EVL: variants seen among roughly 807,000 people sequenced by gnomAD.
EVL encodes ena/VASP-like protein.
A neutral mutation model predicts 59.6 loss-of-function variants in EVL; 21 were observed. That is an observed-to-expected ratio of 0.35 (90% CI 0.25 to 0.51). The LOEUF (loss-of-function observed/expected upper bound fraction) is 0.51, where lower values mean the gene tolerates loss of function less well. EVL is among the 20% of genes least tolerant of loss of function. The probability of loss-of-function intolerance (pLI) is 0.97; values close to 1 mark genes in which losing one functional copy is unlikely to be tolerated. For missense variants in EVL, 462 were observed against 546.6 expected (o/e 0.85, Z 1.54); for synonymous variants, 198 against 203.5 (o/e 0.97, Z 0.23).
chr14:99,972,268 G>T lies in EVL; in HGVS notation c.5+211G>T, dbSNP rs555838718. 3.1e-3 allele frequency among the ~76,000 whole-genome samples: 473 copies of T among 152,160 alleles called. No homozygotes were observed. The highest frequency in any genetic ancestry group is 5.5e-3 in the Non-Finnish European group (373 of 67,974). On this transcript the variant is annotated intron_variant, in intron 1 of 13. Coordinates refer to the EVL transcript ENST00000402714. This position sits in a 1 kb window ranked among gnomAD's most constrained non-coding sequence, Gnocchi z 4.4. ...TGGGGGCGTCTGGAGAGCCGGGAGG[G>T]TCTGCAGGGCTTGTGGGGGGCAGTG...
At chr14:99,973,085 A>G (rs1360356687) in intron 1 of EVL, among the ~76,000 whole-genome samples, 2 of 152,218 alleles carry the variant, frequency 1.3e-5, no homozygotes, top group Non-Finnish European at 2.9e-5. Flanking sequence ...TTTGTTGGCT[A>G]TTAATAATGC....
intron 11 of EVL, chr14:100,140,296 A>C (rs989013735): frequency 6.6e-6 from 1 of 152,158 alleles, no homozygotes; most frequent in African/African-American, 2.4e-5. Flanking sequence ...TCAAAGAAGT[A>C]GTCCACGAGA....
intron 3 of EVL, among the ~76,000 whole-genome samples, chr14:100,119,634 G>A (rs1161482726): frequency 2.0e-5 from 3 of 152,252 alleles, no homozygotes; most frequent in African/African-American, 4.8e-5. Context: ...TCAACAGTGT[G>A]CTTTCAACAG....
intron 1 of EVL, among the ~76,000 whole-genome samples, chr14:100,013,794 T>C (rs1477044374): frequency 6.6e-6 from 1 of 152,244 alleles, no homozygotes; most frequent in Non-Finnish European, 1.5e-5. Context: ...GGTTGAAGCA[T>C]ACAATGGTCA....
intron 1 of EVL, among the ~76,000 whole-genome samples, chr14:100,044,179 T>C (rs2061512506): frequency 6.6e-6 from 1 of 152,172 alleles, no homozygotes; most frequent in African/African-American, 2.4e-5. Context: ...TATAATAGTA[T>C]TACAGTGTGC....
At chr14:99,986,816 T>C (rs2060843061) in intron 1 of EVL, among the ~76,000 whole-genome samples, 1 of 152,074 alleles carries the variant, frequency 6.6e-6, no homozygotes, top group East Asian at 1.9e-4. Context: ...TGGGGGAAAA[T>C]AGCCTTTTCA....
chr14:100,118,740 G>T (rs2140359103), intron 3 of EVL, among the ~76,000 whole-genome samples: 1 of 152,240 alleles, frequency 6.6e-6, no homozygotes, highest in Non-Finnish European at 1.5e-5. Flanking sequence ...TTTCAGGAGG[G>T]CTCATGGCTG....
In EVL at chr14:99,998,213, A is replaced by G. The variant is rs1329772007; in HGVS notation, c.5+26156A>G. ...TTTTTTATTATTTGTAGAACCATGG[A>G]CTTACTGTGTTGCCCAGTGTAGTCT... On this transcript the variant is annotated intron_variant, in intron 1 of 13. Transcript: ENST00000402714. 2.6e-5 allele frequency among the ~76,000 whole-genome samples: 4 copies of G among 151,946 alleles called. No individual in the cohort carries two copies. The East Asian group carries it at 7.7e-4, about 29-fold the overall frequency.
chr14:100,085,564 C>T (rs1392712832), intron 2 of EVL, among the ~76,000 whole-genome samples: 1 of 152,194 alleles, frequency 6.6e-6, no homozygotes, highest in African/African-American at 2.4e-5. Context: ...GTGAATTTAA[C>T]AGATCTGTGA....
intron 3 of EVL, chr14:100,107,071 C>T (rs1347961180): frequency 2.7e-4 from 107 of 398,726 alleles, no homozygotes; most frequent in Non-Finnish European, 1.0e-4. Flanking sequence ...ACCACAGGCC[C>T]GTGGCAGTTC....
chr14:100,054,879 C>A (rs900709993), intron 1 of EVL, among the ~76,000 whole-genome samples: 1 of 152,166 alleles, frequency 6.6e-6, no homozygotes, highest in Non-Finnish European at 1.5e-5. Flanking sequence ...AGGCACACAT[C>A]CCCTGTCAAC....
At chr14:99,982,190 AT>A (rs1386106058) in intron 1 of EVL, among the ~76,000 whole-genome samples, 1 of 152,212 alleles carries the variant, frequency 6.6e-6, no homozygotes, top group Non-Finnish European at 1.5e-5. Context: ...CAAGTGAAAC[AT>A]TTTTACAAAA....
chr14:99,971,492 G>T (rs879792327), exon 1 of EVL: 2 of 151,622 alleles, frequency 1.3e-5, no homozygotes. Flanking sequence ...ACCGCCGCGC[G>T]CGCTCATTCA....
upstream of EVL, among the ~76,000 whole-genome samples, chr14:100,064,405 C>T (rs1190950): frequency 0.77 from 116,603 of 152,148 alleles, 45,732 homozygotes; most frequent in Non-Finnish European, 0.84. Flanking sequence ...CTGGATCTTA[C>T]CTTCATGAGA....
intron 1 of EVL, among the ~76,000 whole-genome samples, chr14:100,021,165 T>A (rs946289927): frequency 6.6e-6 from 1 of 152,236 alleles, no homozygotes; most frequent in Non-Finnish European, 1.5e-5. Context: ...TACCCCTGTC[T>A]ACCCTCTTGA....
At chr14:100,061,170 C>A (rs1218247966), upstream of EVL, among the ~76,000 whole-genome samples, 1 of 151,878 alleles carries the variant, frequency 6.6e-6, no homozygotes, top group Non-Finnish European at 1.5e-5. Context: ...GTGGACGGAT[C>A]CCTTGAGACC....
At chr14:100,120,697 C>T (rs1042639903) in intron 3 of EVL, among the ~76,000 whole-genome samples, 2 of 152,132 alleles carry the variant, frequency 1.3e-5, no homozygotes, top group East Asian at 3.9e-4. Context: ...GGAGGACTGT[C>T]GGGGAGGCGC....
At chr14:100,085,087 G>C in intron 2 of EVL, 1 of 433,958 alleles carries the variant, frequency 2.3e-6, no homozygotes. Flanking sequence ...ACAGTAATCC[G>C]CACCCTGCCT....
chr14:100,054,698 G>A (rs2061699578), intron 1 of EVL, among the ~76,000 whole-genome samples: 1 of 152,100 alleles, frequency 6.6e-6, no homozygotes, highest in Admixed American at 6.5e-5. Context: ...GCTGTGGCCT[G>A]TGCCTTCCCC....
Sources: allele counts gnomAD v4.1 joint callset (sites outside exome capture counted in the v4.1 genomes callset), GRCh38; gene constraint gnomAD v4.1.1; non-coding constraint Gnocchi (gnomAD v3.1); transcripts MANE v1.5; gene names NCBI Gene and HGNC (gene_info 2026-07-23, HGNC 2026-07-21).